ABI3BP: variants seen among roughly 807,000 people sequenced by gnomAD.
The protein encoded by ABI3BP is target of Nesh-SH3.
A neutral mutation model predicts 268.6 loss-of-function variants in ABI3BP; 216 were observed. The observed-to-expected ratio is 0.80, with a 90% confidence interval of 0.72 to 0.90. The LOEUF is 0.90. Ranked by LOEUF, ABI3BP falls within the 40% of genes least tolerant of loss-of-function variation. ABI3BP has a pLI of 0.00. For missense variants in ABI3BP, 2,090 were observed against 2,182.4 expected, an observed-to-expected ratio of 0.96 and a Z score of 0.84; for synonymous variants, 730 against 730.0, an observed-to-expected ratio of 1.00 and a Z score of 0.00.
At chr3:100,882,794 A>T (rs2040046759) in intron 6 of ABI3BP, among the ~76,000 whole-genome samples, 1 of 152,110 alleles carries the variant, frequency 6.6e-6, no homozygotes, top group Non-Finnish European at 1.5e-5. Context: ...ACAAATACAA[A>T]TTACTGGGAT....
In ABI3BP at chr3:100,886,277, T is replaced by G. The variant is rs1459299809; in HGVS notation, c.508A>C (p.Ile170Leu). 1 of 1,609,186 alleles carries G rather than the reference T, an allele frequency of 6.2e-7. No homozygotes were observed. Among genetic ancestry groups the G allele is most frequent in the Non-Finnish European group, 8.5e-7 (1 of 1,177,422 alleles). Residue 170 changes from isoleucine to leucine, a missense_variant, in exon 5 of 68, where the codon ATT becomes CTT. Transcript: ENST00000471714. The stretch of plus-strand genomic sequence containing the variant: ...TCAGTGGCTGGACAGATTTGAAAAA[T>G]CCACTTCTTTTCTTTATCCTTTTCT... Reference protein sequence around the residue: ...YREKDKEKKWIFQICPATETI... With the variant: ...YREKDKEKKWLFQICPATETI...
intron 38 of ABI3BP, 56 bp downstream of exon 38, chr3:100,822,533 G>A: frequency 1.4e-6 from 2 of 1,476,006 alleles, no homozygotes; most frequent in Non-Finnish European, 1.8e-6. Flanking sequence ...GATTACTCTT[G>A]AGACCCTACT....
intron 59 of ABI3BP, among the ~76,000 whole-genome samples, 199 bp from the exon 60 acceptor site, chr3:100,775,534 T>C (rs1303717962): frequency 2.0e-5 from 3 of 151,992 alleles, no homozygotes; most frequent in Non-Finnish European, 1.5e-5. Flanking sequence ...ATTATAGACA[T>C]TGTGAAAAAG....
intron 1 of ABI3BP, among the ~76,000 whole-genome samples, chr3:100,933,491 C>T (rs1182420757): frequency 6.6e-6 from 1 of 151,412 alleles, no homozygotes; most frequent in Non-Finnish European, 1.5e-5. Flanking sequence ...AAGTCAATTC[C>T]TGTCAGTTGA....
intron 24 of ABI3BP, among the ~76,000 whole-genome samples, chr3:100,838,801 G>A (rs1372701809): frequency 1.3e-5 from 2 of 152,124 alleles, no homozygotes; most frequent in South Asian, 2.1e-4. Flanking sequence ...TATACAAACA[G>A]TAAGGTAGAA....
At chr3:100,966,014 G>C (rs1424866036) in intron 1 of ABI3BP, among the ~76,000 whole-genome samples, 1 of 152,156 alleles carries the variant, frequency 6.6e-6, no homozygotes, top group Non-Finnish European at 1.5e-5. Context: ...CCATGAATCA[G>C]GCCCAGTTCT....
chr3:100,941,077 T>A (rs533485027), intron 1 of ABI3BP, among the ~76,000 whole-genome samples: 8 of 151,484 alleles, frequency 5.3e-5, no homozygotes, highest in Non-Finnish European at 1.2e-4. Context: ...AAAAGTCCCA[T>A]AAGCCACATA....
At chr3:100,754,055 G>A (rs1168363796) in intron 64 of ABI3BP, among the ~76,000 whole-genome samples, 1 of 152,220 alleles carries the variant, frequency 6.6e-6, no homozygotes. Context: ...GTATTCAGCT[G>A]TATCTGTTAC....
rs913859018 is a variant in ABI3BP at position 100,983,236 on chromosome 3, C to T, written c.79+10070G>A. Among the ~76,000 whole-genome samples the T allele has an allele frequency of 2.0e-5, 3 of 152,152 alleles. No homozygotes were observed. The South Asian group carries it at 6.2e-4, about 32-fold the overall frequency. Reference sequence around the variant, plus strand: ...CACTACTCAGAGAAGAGAGAACTTCCATTACATTAGAGAAACAGTGGAATA... The same window carrying T: ...CACTACTCAGAGAAGAGAGAACTTCTATTACATTAGAGAAACAGTGGAATA... On this transcript the variant is annotated intron_variant, in intron 1 of 67. Coordinates refer to ENST00000471714, the MANE Select transcript of ABI3BP (RefSeq NM_001375547.2).
chr3:100,886,121 C>T (rs748607459), intron 5 of ABI3BP, 21 bp downstream of exon 5: 3 of 1,524,966 alleles, frequency 2.0e-6, no homozygotes, highest in Non-Finnish European at 2.6e-6. Context: ...CTTACTGAAA[C>T]AAACATTTCT....
At chr3:100,826,168 G>A (rs2098380882) in intron 34 of ABI3BP, among the ~76,000 whole-genome samples, 2 of 152,168 alleles carry the variant, frequency 1.3e-5, no homozygotes, top group Non-Finnish European at 2.9e-5. Flanking sequence ...GGCCATGTGA[G>A]GATACAGTGA....
intron 1 of ABI3BP, among the ~76,000 whole-genome samples, chr3:100,977,454 TG>T (rs2086821415): frequency 6.6e-6 from 1 of 152,292 alleles, no homozygotes; most frequent in East Asian, 1.9e-4. Context: ...AAGGCTTGAC[TG>T]GGGCTGGAAG....
intron 57 of ABI3BP, among the ~76,000 whole-genome samples, chr3:100,783,441 C>T (rs1367401986): frequency 6.6e-6 from 1 of 152,166 alleles, no homozygotes; most frequent in Non-Finnish European, 1.5e-5. Flanking sequence ...TTGCCTAGTA[C>T]ATAATGGGCT....
rs376459130 is a variant in ABI3BP at position 100,796,436 on chromosome 3, A to G, written c.3790T>C (p.Tyr1264His). 94 of 1,602,926 alleles carry G rather than the reference A, an allele frequency of 5.9e-5. No homozygotes were observed. The highest frequency in any genetic ancestry group is 7.7e-5 in the Non-Finnish European group (91 of 1,174,400). Residue 1264 changes from tyrosine to histidine, a missense_variant, in exon 52 of 68, where the codon TAC (tyrosine) becomes CAC (histidine). Physicochemically the swap from Tyr to His is moderately conservative, Grantham distance 83. Coordinates refer to ENST00000471714, the MANE Select transcript of ABI3BP (RefSeq NM_001375547.2). Reference sequence around the variant, plus strand: ...GGTTCGCTCTGAGAGACCTCAGGGTATGGTTTATGAGGAAGGAGCACATCT... The same window carrying G: ...GGTTCGCTCTGAGAGACCTCAGGGTGTGGTTTATGAGGAAGGAGCACATCT... ...PKDVLLPHKP[Y>H]PEVSQSEPVL...
chr3:100,976,921 G>C (rs1048459211), intron 1 of ABI3BP, among the ~76,000 whole-genome samples: 9 of 152,250 alleles, frequency 5.9e-5, no homozygotes, highest in African/African-American at 2.2e-4. Flanking sequence ...TGGAATGAAA[G>C]ACAAGGCCAA....
At chr3:100,751,796 C>A in intron 66 of ABI3BP, 122 bp from the exon 67 acceptor site, 2 of 983,150 alleles carry the variant, frequency 2.0e-6, no homozygotes, top group Non-Finnish European at 2.8e-6. Context: ...TAGTTCAAAC[C>A]AACAATGTTT....
chr3:100,927,780 A>G (rs1240467495), intron 1 of ABI3BP, among the ~76,000 whole-genome samples: 1 of 152,172 alleles, frequency 6.6e-6, no homozygotes, highest in Admixed American at 6.6e-5. Flanking sequence ...ACAATTCAAC[A>G]TGAGATTTGA....
intron 4 of ABI3BP, among the ~76,000 whole-genome samples, chr3:100,888,697 TC>T: frequency 6.6e-6 from 1 of 152,266 alleles, no homozygotes; most frequent in East Asian, 1.9e-4. Context: ...CCCAAGTTTT[TC>T]AGGAAAATAA....
chr3:100,944,530 GA>G (rs1699748964), intron 1 of ABI3BP, among the ~76,000 whole-genome samples: 1 of 152,058 alleles, frequency 6.6e-6, no homozygotes, highest in African/African-American at 2.4e-5. Context: ...GGAGCAAATT[GA>G]AAATACTCTT....
Sources: gnomAD v4.1 joint callset for allele counts (sites outside exome capture counted in the v4.1 genomes callset) on GRCh38, gnomAD v4.1.1 for gene constraint, MANE v1.5 for transcripts, NCBI Gene and HGNC (gene_info 2026-07-23, HGNC 2026-07-21) for gene names.